Variants in PLEKHA2 observed in about 807,000 individuals in gnomAD.
PLEKHA2 encodes pleckstrin homology domain containing A2.
PLEKHA2 carries 28 observed loss-of-function variants against 53.2 expected under a neutral mutation model. That is an observed-to-expected ratio of 0.53 (90% CI 0.39 to 0.72). The LOEUF is 0.72. Ranked by LOEUF, PLEKHA2 falls within the 30% of genes least tolerant of loss-of-function variation. PLEKHA2 has a pLI of 0.00. For missense variants in PLEKHA2, 426 were observed against 537.9 expected (o/e 0.79, Z 2.06); for synonymous variants, 193 against 196.4 (o/e 0.98, Z 0.14).
At chr8:38,949,181 T>C (rs774575162) in intron 5 of PLEKHA2, among the ~76,000 whole-genome samples, 1 of 152,012 alleles carries the variant, frequency 6.6e-6, no homozygotes, top group African/African-American at 2.4e-5. Flanking sequence ...GACATTCAGC[T>C]GTTAATCCTG....
chr8:38,958,239 C>G (rs1051653241), intron 10 of PLEKHA2, among the ~76,000 whole-genome samples: 1 of 152,044 alleles, frequency 6.6e-6, no homozygotes, highest in East Asian at 1.9e-4. Flanking sequence ...AGGAGAATTG[C>G]TTGAACCCGG....
At chr8:38,952,815 CA>C in intron 8 of PLEKHA2, 111 bp downstream of exon 8, 4 of 1,104,704 alleles carry the variant, frequency 3.6e-6, no homozygotes, top group Non-Finnish European at 4.0e-6. Flanking sequence ...ACAAAGACTT[CA>C]AAGGCGCCTC....
intron 5 of PLEKHA2, among the ~76,000 whole-genome samples, chr8:38,950,050 T>A (rs1232205429): frequency 6.6e-6 from 1 of 151,218 alleles, no homozygotes; most frequent in Non-Finnish European, 1.5e-5. Context: ...AGTTTTTTAT[T>A]TTGTATTTTT....
chr8:38,958,873 T>C (rs866299623), intron 10 of PLEKHA2, among the ~76,000 whole-genome samples: 44 of 152,172 alleles, frequency 2.9e-4, no homozygotes, highest in African/African-American at 1.0e-3. Context: ...GTCAAGTCCA[T>C]AGGCAGTTAA....
chr8:38,949,901 A>G (rs898362709), intron 5 of PLEKHA2, among the ~76,000 whole-genome samples: 2 of 152,166 alleles, frequency 1.3e-5, no homozygotes, highest in African/African-American at 4.8e-5. Context: ...TGAGAGGTGA[A>G]GGGTTATACC....
At chr8:38,908,671 C>T (rs556356817) in intron 1 of PLEKHA2, among the ~76,000 whole-genome samples, 9 of 152,032 alleles carry the variant, frequency 5.9e-5, no homozygotes, top group East Asian at 3.9e-4. Context: ...TAAAACAGAC[C>T]GTATATAGGA....
chr8:38,927,579 G>A (rs189346451), intron 2 of PLEKHA2, among the ~76,000 whole-genome samples: 88 of 152,222 alleles, frequency 5.8e-4, no homozygotes, highest in African/African-American at 2.1e-3. Context: ...TTGCATGTTT[G>A]GGGGAGGGGT....
At chr8:38,918,102 C>T (rs1335779218) in intron 2 of PLEKHA2, 32 bp downstream of exon 2, 3 of 1,603,348 alleles carry the variant, frequency 1.9e-6, no homozygotes. Context: ...GGTGGGGCGA[C>T]TGGGTGCCCA....
Position 38,917,903 on chromosome 8 carries a change from G to T in PLEKHA2, c.-23-4G>T. 3 of 1,611,534 alleles carry T rather than the reference G, an allele frequency of 1.9e-6. No individual in the cohort carries two copies. The highest frequency in any genetic ancestry group is 1.3e-5 in the African/African-American group (1 of 74,948). On this transcript the variant is annotated splice_region_variant and splice_polypyrimidine_tract_variant and intron_variant, in intron 1 of 11. Coordinates refer to ENST00000617275, the MANE Select transcript of PLEKHA2 (RefSeq NM_021623.2). ...TCTCATCAGCACCTCCCTCCTGCGC[G>T]CAGGGTGATGTGAGCAGAGCCCAGG... is the stretch of plus-strand genomic sequence containing the variant.
At chr8:38,905,471 T>A (rs556876527) in intron 1 of PLEKHA2, among the ~76,000 whole-genome samples, 5 of 149,380 alleles carry the variant, frequency 3.3e-5, no homozygotes, top group South Asian at 4.3e-4. Flanking sequence ...AAAAAAAAAA[T>A]TTTTTTTAAA....
chr8:38,957,793 C>G (rs1029429773), intron 10 of PLEKHA2, among the ~76,000 whole-genome samples: 2 of 152,224 alleles, frequency 1.3e-5, no homozygotes, highest in Admixed American at 1.3e-4. Flanking sequence ...AGGTGCAGAG[C>G]CCAGCTGCAC....
At chr8:38,966,615 GGA>G (rs1222254158) in intron 10 of PLEKHA2, among the ~76,000 whole-genome samples, 2 of 152,160 alleles carry the variant, frequency 1.3e-5, no homozygotes, top group Non-Finnish European at 2.9e-5. Context: ...CGAGGCCGCT[GGA>G]GTTTCCTCCC....
intron 4 of PLEKHA2, among the ~76,000 whole-genome samples, chr8:38,944,871 A>G (rs1030768300): frequency 3.3e-5 from 5 of 152,244 alleles, no homozygotes; most frequent in African/African-American, 4.8e-5. Context: ...TCTTGATGCC[A>G]CAAGGCAGGT....
intron 5 of PLEKHA2, 57 bp downstream of exon 5, chr8:38,946,278 T>TG: frequency 6.9e-7 from 1 of 1,445,276 alleles, no homozygotes; most frequent in East Asian, 2.5e-5. Flanking sequence ...TCCCAGGCTA[T>TG]GGCCTTGTTG....
intron 8 of PLEKHA2, 100 bp downstream of exon 8, chr8:38,952,804 C>T: frequency 8.0e-7 from 1 of 1,245,130 alleles, no homozygotes; most frequent in Non-Finnish European, 1.1e-6. Flanking sequence ...GATGTGGGCA[C>T]ACAAAGACTT....
intron 1 of PLEKHA2, among the ~76,000 whole-genome samples, chr8:38,907,606 C>A (rs372575006): frequency 1.6e-4 from 24 of 151,986 alleles, no homozygotes; most frequent in African/African-American, 5.8e-4. Context: ...ACAAAAAATA[C>A]AAAAATTAGC....
chr8:38,917,881 C>A (rs369504781), intron 1 of PLEKHA2, 26 bp from the exon 2 acceptor site: 1 of 1,598,526 alleles, frequency 6.3e-7, no homozygotes. Context: ...TCTTCCTTCT[C>A]ATCAGCACCT....
intron 1 of PLEKHA2, among the ~76,000 whole-genome samples, chr8:38,902,503 A>C (rs547576373): frequency 6.6e-6 from 1 of 152,062 alleles, no homozygotes; most frequent in East Asian, 1.9e-4. Flanking sequence ...GAGAAGAGGG[A>C]GGGGAGAGCA....
intron 1 of PLEKHA2, among the ~76,000 whole-genome samples, chr8:38,915,951 C>T (rs560508243): frequency 1.4e-4 from 21 of 152,246 alleles, no homozygotes; most frequent in African/African-American, 5.1e-4. Context: ...AGCATTTATC[C>T]TTTGCGTTAC....
Sources: allele counts gnomAD v4.1 joint callset (sites outside exome capture counted in the v4.1 genomes callset), GRCh38; gene constraint gnomAD v4.1.1; transcripts MANE v1.5; gene names NCBI Gene and HGNC (gene_info 2026-07-23, HGNC 2026-07-21).